FTO: variants seen among roughly 807,000 people sequenced by gnomAD.
FTO encodes FTO alpha-ketoglutarate dependent dioxygenase.
Under a neutral mutation model 63.9 loss-of-function variants are expected in FTO, and 47 were observed. The observed-to-expected ratio is 0.74, with a 90% confidence interval of 0.58 to 0.94. FTO has a LOEUF of 0.94. Among genes scored for constraint, FTO ranks in the 40% least tolerant of loss-of-function variants. The probability of loss-of-function intolerance (pLI) is 0.00; values close to 1 mark genes in which losing one functional copy is unlikely to be tolerated. For missense variants in FTO, 562 were observed against 618.1 expected (o/e 0.91, Z 0.96); for synonymous variants, 207 against 224.4 (o/e 0.92, Z 0.69).
At chr16:53,820,837 C>T (rs2078845679) in intron 2 of FTO, among the ~76,000 whole-genome samples, 1 of 152,048 alleles carries the variant, frequency 6.6e-6, no homozygotes, top group African/African-American at 2.4e-5. Flanking sequence ...GAAGGACCAT[C>T]CAGGTGTGGA....
intron 1 of FTO, among the ~76,000 whole-genome samples, chr16:53,762,346 T>C (rs538891057): frequency 1.3e-5 from 2 of 151,832 alleles, no homozygotes; most frequent in African/African-American, 4.9e-5. Context: ...TCCCACATAT[T>C]CTGTAGTTAT....
intron 8 of FTO, among the ~76,000 whole-genome samples, chr16:53,967,617 C>T (rs192014550): frequency 1.3e-5 from 2 of 152,292 alleles, no homozygotes; most frequent in East Asian, 3.9e-4. Context: ...AAAGCAAGTG[C>T]ATATTTCCAA....
chr16:54,068,460 G>A (rs1268761192), intron 8 of FTO, among the ~76,000 whole-genome samples: 1 of 152,142 alleles, frequency 6.6e-6, no homozygotes, highest in Non-Finnish European at 1.5e-5. Flanking sequence ...GGGGTGAGAA[G>A]GATCATTGTT....
chr16:53,819,080 A>G (rs998328535), intron 2 of FTO, among the ~76,000 whole-genome samples: 3 of 152,224 alleles, frequency 2.0e-5, no homozygotes, highest in African/African-American at 7.2e-5. Context: ...GCCATTATCA[A>G]CAATATGTAT....
At chr16:53,964,012 C>G (rs1328642165) in intron 8 of FTO, among the ~76,000 whole-genome samples, 1 of 152,204 alleles carries the variant, frequency 6.6e-6, no homozygotes, top group East Asian at 1.9e-4. Flanking sequence ...CTTGGCCTCC[C>G]AAAGTGCTGG....
intron 8 of FTO, among the ~76,000 whole-genome samples, chr16:54,021,557 TC>T (rs2084602126): frequency 6.6e-6 from 1 of 152,174 alleles, no homozygotes; most frequent in Non-Finnish European, 1.5e-5. Flanking sequence ...TGTCGCAATC[TC>T]GGCTCACTGC....
At chr16:53,967,099 G>A (rs1020741343) in intron 8 of FTO, among the ~76,000 whole-genome samples, 2 of 152,148 alleles carry the variant, frequency 1.3e-5, no homozygotes, top group Non-Finnish European at 2.9e-5. Context: ...CTGCGCAGTG[G>A]TGCCTAAGGA....
intron 1 of FTO, among the ~76,000 whole-genome samples, chr16:53,803,105 C>T (rs2078268572): frequency 6.6e-6 from 1 of 152,192 alleles, no homozygotes; most frequent in African/African-American, 2.4e-5. Context: ...ACTTCCATGC[C>T]TTGTTGCTTT....
intron 1 of FTO, among the ~76,000 whole-genome samples, chr16:53,802,544 G>A (rs952664475): frequency 1.3e-5 from 2 of 152,024 alleles, no homozygotes; most frequent in African/African-American, 4.8e-5. Flanking sequence ...ATTTCCTCTT[G>A]ATTTTTGTGA....
At chr16:54,090,264 G>A (rs1043783204) in intron 8 of FTO, among the ~76,000 whole-genome samples, 9 of 152,264 alleles carry the variant, frequency 5.9e-5, no homozygotes, top group Admixed American at 1.3e-4. Flanking sequence ...ATTATGCTAC[G>A]TGAAATAAGC....
chr16:53,862,344 T>C (rs773173820), intron 4 of FTO, among the ~76,000 whole-genome samples: 3 of 152,184 alleles, frequency 2.0e-5, no homozygotes, highest in Non-Finnish European at 4.4e-5. Context: ...TCTGAGGTGA[T>C]CTACATTATG....
intron 7 of FTO, among the ~76,000 whole-genome samples, chr16:53,913,958 G>T (rs58063519): frequency 6.6e-6 from 1 of 150,804 alleles, no homozygotes; most frequent in Non-Finnish European, 1.5e-5. Context: ...CGGCTTGGGC[G>T]GCAGAGTGAG....
At chr16:54,111,678 C>T (rs961910604) in intron 8 of FTO, 84 bp from the exon 9 acceptor site, 2 of 1,406,846 alleles carry the variant, frequency 1.4e-6, no homozygotes, top group Non-Finnish European at 1.0e-6. Flanking sequence ...GGAGCATTGG[C>T]CAGTGTTGCT....
intron 1 of FTO, among the ~76,000 whole-genome samples, chr16:53,794,218 T>C (rs1336892046): frequency 2.6e-5 from 4 of 152,234 alleles, no homozygotes; most frequent in African/African-American, 9.6e-5. Context: ...GCTAAGACTT[T>C]TTATCCTAAA....
Position 53,862,382 on chromosome 16 carries a change from G to A in FTO, c.896-11404G>A, listed in dbSNP as rs73607630. On this transcript the variant is annotated intron_variant, in intron 4 of 8. Coordinates refer to ENST00000471389, the MANE Select transcript of FTO (RefSeq NM_001080432.3). ...TTCATTTTGGTAAGCTGTATTTTCT[G>A]TTTGGACATTTGTAGTATTTTATAT... is the stretch of plus-strand genomic sequence containing the variant. Among the ~76,000 whole-genome samples the A allele has an allele frequency of 9.5e-3, 1,447 of 152,224 alleles. 31 individuals carry two copies. Among genetic ancestry groups the A allele is most frequent in the African/African-American group, 0.034 (1,393 of 41,530 alleles).
chr16:54,057,526 C>T (rs528466633), intron 8 of FTO, among the ~76,000 whole-genome samples: 48 of 152,238 alleles, frequency 3.2e-4, no homozygotes, highest in East Asian at 2.7e-3. Flanking sequence ...TGCAGTGGCA[C>T]GATCTCGGCT....
chr16:53,715,817 A>T (rs1490827528), intron 1 of FTO, among the ~76,000 whole-genome samples: 1 of 152,164 alleles, frequency 6.6e-6, no homozygotes, highest in African/African-American at 2.4e-5. Flanking sequence ...TTGGCAGTAT[A>T]TTTATTCTAA....
chr16:53,959,117 A>G (rs1158616891), intron 8 of FTO, among the ~76,000 whole-genome samples: 3 of 152,184 alleles, frequency 2.0e-5, no homozygotes, highest in African/African-American at 7.2e-5. Flanking sequence ...AATGGTAGGT[A>G]TGTTTATTAT....
chr16:53,990,500 T>A (rs1046149881), intron 8 of FTO, among the ~76,000 whole-genome samples: 8 of 152,046 alleles, frequency 5.3e-5, no homozygotes, highest in Non-Finnish European at 4.4e-5. Context: ...AGGCCAAGTC[T>A]TCTGGTGCTG....
Sources: gnomAD v4.1 joint callset for allele counts (sites outside exome capture counted in the v4.1 genomes callset) on GRCh38, gnomAD v4.1.1 for gene constraint, MANE v1.5 for transcripts, NCBI Gene and HGNC (gene_info 2026-07-23, HGNC 2026-07-21) for gene names.